CCDC178: variants seen among roughly 807,000 people sequenced by gnomAD.
CCDC178 encodes coiled-coil domain-containing protein 178.
Under a neutral mutation model 117.4 loss-of-function variants are expected in CCDC178, and 126 were observed. The observed-to-expected ratio is 1.07, with a 90% CI of 0.93 to 1.24. CCDC178 has a LOEUF of 1.24. Ranked by LOEUF, CCDC178 falls within the 50% of genes most tolerant of loss-of-function variation. The pLI is 0.00. For missense variants in CCDC178, 1,030 were observed against 986.9 expected (o/e 1.04, Z -0.59); for synonymous variants, 283 against 313.4 (o/e 0.90, Z 1.02).
chr18:33,147,343 G>C (rs941774684), intron 20 of CCDC178, among the ~76,000 whole-genome samples: 2 of 136,826 alleles, frequency 1.5e-5, no homozygotes, highest in Admixed American at 1.4e-4. Context: ...ACTCCTGCAA[G>C]CTTGCCTTTT....
At chr18:33,179,114 AT>A (rs2058702699) in intron 20 of CCDC178, among the ~76,000 whole-genome samples, 2 of 88,934 alleles carry the variant, frequency 2.2e-5, no homozygotes, top group Non-Finnish European at 4.1e-5. Flanking sequence ...TATATAAACT[AT>A]ATATATATAT....
intron 22 of CCDC178, among the ~76,000 whole-genome samples, chr18:32,951,227 G>A (rs2144624549): frequency 6.6e-6 from 1 of 152,216 alleles, no homozygotes; most frequent in East Asian, 1.9e-4. Flanking sequence ...GGATAATCTG[G>A]AGATATCACA....
chr18:33,413,530 G>A (rs200408633), intron 2 of CCDC178, among the ~76,000 whole-genome samples: 1 of 150,840 alleles, frequency 6.6e-6, no homozygotes, highest in Non-Finnish European at 1.5e-5. Context: ...TGGGTAAATT[G>A]AAAAAAAAAT....
At chr18:33,321,532 A>G (rs924124050) in intron 11 of CCDC178, among the ~76,000 whole-genome samples, 1 of 152,154 alleles carries the variant, frequency 6.6e-6, no homozygotes, top group Admixed American at 6.6e-5. Context: ...CAAATATTTA[A>G]TTCAGAAGAA....
chr18:33,260,591 T>C (rs1307862988), intron 14 of CCDC178, among the ~76,000 whole-genome samples: 8 of 151,558 alleles, frequency 5.3e-5, no homozygotes, highest in Non-Finnish European at 7.4e-5. Flanking sequence ...TCTGTCTTAA[T>C]GGAATGTTTA....
intron 3 of CCDC178, among the ~76,000 whole-genome samples, chr18:33,410,836 G>C (rs931125833): frequency 6.6e-6 from 1 of 152,140 alleles, no homozygotes; most frequent in Non-Finnish European, 1.5e-5. Flanking sequence ...CCAGTTCTGC[G>C]CATTGGCCTG....
intron 3 of CCDC178, among the ~76,000 whole-genome samples, chr18:33,406,445 A>G (rs1163419946): frequency 6.6e-6 from 1 of 152,066 alleles, no homozygotes; most frequent in East Asian, 1.9e-4. Context: ...AGACTACTAT[A>G]TAAAATAATA....
chr18:33,126,161 G>C, intron 20 of CCDC178, among the ~76,000 whole-genome samples: 1 of 151,996 alleles, frequency 6.6e-6, no homozygotes, highest in South Asian at 2.1e-4. Flanking sequence ...ATGGTAACTT[G>C]GTTTGGATGG....
chr18:33,356,220 C>T, intron 7 of CCDC178, 104 bp downstream of exon 7: 1 of 1,160,298 alleles, frequency 8.6e-7, no homozygotes, highest in Non-Finnish European at 1.2e-6. Flanking sequence ...AAAAATCTTG[C>T]ATTCGATTTT....
intron 20 of CCDC178, among the ~76,000 whole-genome samples, chr18:33,095,384 C>T (rs2057527213): frequency 6.6e-6 from 1 of 151,810 alleles, no homozygotes; most frequent in Non-Finnish European, 1.5e-5. Context: ...ATGGTTTGTT[C>T]TTTATTATCA....
intron 5 of CCDC178, among the ~76,000 whole-genome samples, chr18:33,382,404 T>C (rs2063447852): frequency 6.6e-6 from 1 of 152,192 alleles, no homozygotes; most frequent in Non-Finnish European, 1.5e-5. Context: ...GATGGCTGAA[T>C]AGAAACAGCC....
intron 12 of CCDC178, among the ~76,000 whole-genome samples, chr18:33,274,259 T>C (rs1248292707): frequency 6.6e-6 from 1 of 151,808 alleles, no homozygotes; most frequent in Non-Finnish European, 1.5e-5. Flanking sequence ...ATAATACTGA[T>C]TGTTGCTAAG....
intron 20 of CCDC178, among the ~76,000 whole-genome samples, chr18:33,185,535 A>G (rs2058780969): frequency 6.6e-6 from 1 of 152,042 alleles, no homozygotes; most frequent in African/African-American, 2.4e-5. Flanking sequence ...GTCTGCAGAG[A>G]AATTAAATAA....
At chr18:33,301,330 C>A (rs1012419317) in intron 11 of CCDC178, among the ~76,000 whole-genome samples, 2 of 152,198 alleles carry the variant, frequency 1.3e-5, no homozygotes, top group Non-Finnish European at 2.9e-5. Context: ...GAAGCCTGAC[C>A]CAGGGGCAGG....
intron 20 of CCDC178, among the ~76,000 whole-genome samples, chr18:33,200,691 T>C (rs1037633694): frequency 6.6e-6 from 1 of 152,228 alleles, no homozygotes; most frequent in African/African-American, 2.4e-5. Context: ...GATTTAGTTC[T>C]GCAATACTCA....
intron 20 of CCDC178, among the ~76,000 whole-genome samples, chr18:33,176,758 A>G (rs2058668901): frequency 6.6e-6 from 1 of 152,164 alleles, no homozygotes; most frequent in South Asian, 2.1e-4. Flanking sequence ...GGTCTCAAGC[A>G]ATCTACAAAA....
At chr18:33,162,028 C>T (rs1461879746) in intron 20 of CCDC178, among the ~76,000 whole-genome samples, 1 of 152,144 alleles carries the variant, frequency 6.6e-6, no homozygotes, top group Non-Finnish European at 1.5e-5. Context: ...AGTTTACAGT[C>T]CCACCAACAG....
chr18:32,971,390 A>G (rs2054922727), intron 22 of CCDC178, among the ~76,000 whole-genome samples: 1 of 152,240 alleles, frequency 6.6e-6, no homozygotes, highest in South Asian at 2.1e-4. Flanking sequence ...TCCATGGTGT[A>G]TATGTGCCAC....
intron 20 of CCDC178, among the ~76,000 whole-genome samples, chr18:33,126,581 G>A (rs1285124234): frequency 2.6e-5 from 4 of 151,916 alleles, no homozygotes; most frequent in Non-Finnish European, 5.9e-5. Flanking sequence ...AGTCAGCCCT[G>A]TGGAACTCAT....
Sources: allele counts gnomAD v4.1 joint callset (sites outside exome capture counted in the v4.1 genomes callset), GRCh38; gene constraint gnomAD v4.1.1; transcripts MANE v1.5; gene names NCBI Gene and HGNC (gene_info 2026-07-23, HGNC 2026-07-21).